Variants in PARVA observed in about 807,000 individuals in gnomAD.
The protein encoded by PARVA is alpha-parvin.
Under a neutral mutation model 52.6 loss-of-function variants are expected in PARVA, and 25 were observed. The observed-to-expected ratio is 0.48, with a 90% CI of 0.35 to 0.66. The LOEUF (loss-of-function observed/expected upper bound fraction) is 0.66. Ranked by LOEUF, PARVA falls within the 30% of genes least tolerant of loss-of-function variation. The probability of loss-of-function intolerance (pLI) is 0.01; values close to 1 mark genes in which losing one functional copy is unlikely to be tolerated. For synonymous variants in PARVA, 185 were observed against 179.1 expected, an observed-to-expected ratio of 1.03 and a Z score of -0.26; for missense variants, 373 against 450.9, an observed-to-expected ratio of 0.83 and a Z score of 1.56.
chr11:12,499,766 CTGTG>C (rs982053302), intron 5 of PARVA, among the ~76,000 whole-genome samples: 2 of 151,828 alleles, frequency 1.3e-5, no homozygotes, highest in African/African-American at 2.4e-5. Flanking sequence ...TCTTCAAGTT[CTGTG>C]TGTGTCTGTA....
At chr11:12,511,593 CGCA>C in intron 8 of PARVA, 60 bp downstream of exon 8, 1 of 1,564,966 alleles carries the variant, frequency 6.4e-7, no homozygotes, top group Non-Finnish European at 8.8e-7. Context: ...TAGTTAATTC[CGCA>C]GCAGCTGGGA....
intron 1 of PARVA, among the ~76,000 whole-genome samples, chr11:12,430,392 G>A (rs1480264804): frequency 6.6e-6 from 1 of 152,176 alleles, no homozygotes; most frequent in Admixed American, 6.5e-5. Context: ...TTTGAGAGCT[G>A]GTAGGAGCCA....
rs1269344932 is a variant in PARVA, at chr11:12,414,791, T to A, written c.136+37008T>A. ...TTAGATTCTTACAGCGTTAGTTGCG[T>A]GGAGCCATCTGCAGGGCTAGGCCAG... is the stretch of plus-strand genomic sequence containing the variant. On this transcript the variant is annotated intron_variant, in intron 1 of 12. Coordinates refer to ENST00000334956, the MANE Select transcript of PARVA (RefSeq NM_018222.5). Among the ~76,000 whole-genome samples the A allele has an allele frequency of 2.6e-5, 4 of 152,350 alleles. No individual in the cohort carries two copies. The East Asian group carries it at 5.8e-4, about 22-fold the overall frequency.
chr11:12,483,444 A>G (rs977331619), intron 4 of PARVA, among the ~76,000 whole-genome samples: 3 of 152,230 alleles, frequency 2.0e-5, no homozygotes, highest in African/African-American at 7.2e-5. Flanking sequence ...ACCAGGGCTC[A>G]TAGCTGGGCC....
At chr11:12,459,804 A>C (rs868992) in intron 1 of PARVA, among the ~76,000 whole-genome samples, 1 of 152,252 alleles carries the variant, frequency 6.6e-6, no homozygotes, top group Non-Finnish European at 1.5e-5. Flanking sequence ...AACAGAGTTT[A>C]AGCAGTAGGA....
intron 7 of PARVA, 72 bp from the exon 8 acceptor site, chr11:12,511,442 C>T (rs867331962): frequency 2.0e-6 from 3 of 1,524,778 alleles, no homozygotes; most frequent in Admixed American, 3.6e-5. Context: ...GATGGAGTGT[C>T]CTTTCAGAGG....
intron 1 of PARVA, among the ~76,000 whole-genome samples, chr11:12,426,604 A>C (rs1299613352): frequency 2.0e-5 from 3 of 152,282 alleles, no homozygotes; most frequent in Middle Eastern, 3.4e-3. Context: ...ATGTGCTTTT[A>C]ATTATGGGAT....
At chr11:12,442,518 T>C (rs770384805) in intron 1 of PARVA, among the ~76,000 whole-genome samples, 1 of 152,096 alleles carries the variant, frequency 6.6e-6, no homozygotes, top group Non-Finnish European at 1.5e-5. Flanking sequence ...GCTGTGACAC[T>C]AGGAGCTTGA....
chr11:12,401,763 A>G (rs1056950661), intron 1 of PARVA, among the ~76,000 whole-genome samples: 1 of 152,236 alleles, frequency 6.6e-6, no homozygotes, highest in African/African-American at 2.4e-5. Context: ...GCATGAAAAA[A>G]TGTTTTTAAA....
At chr11:12,410,329 C>T (rs1056373463) in intron 1 of PARVA, among the ~76,000 whole-genome samples, 2 of 152,232 alleles carry the variant, frequency 1.3e-5, no homozygotes, top group Non-Finnish European at 1.5e-5. Context: ...CTGCCTACCC[C>T]AGGCCACAGG....
At position 12,530,551 on chromosome 11, in the gene PARVA, C is replaced by T. The variant is rs934478898; in HGVS notation, c.*2626C>T. ...GTATCTAGTGGAAAACCTAAGCCTC[C>T]CTCTCTCCTCCGGCACCCATTACCT... On this transcript the variant is annotated 3_prime_UTR_variant, in exon 13 of 13. Transcript: ENST00000334956. The T allele has an allele frequency of 3.9e-5, 6 of 152,054 alleles. No individual in the cohort carries two copies. Among genetic ancestry groups the T allele is most frequent in the African/African-American group, 1.4e-4 (6 of 41,404 alleles). The allele number at this position is 152,054 out of a possible 1,614,324, so 9.4% of individuals were successfully genotyped here. A position where few individuals can be genotyped will look rare whatever the true frequency, so the allele number is the denominator to read the frequency against.
intron 4 of PARVA, among the ~76,000 whole-genome samples, chr11:12,481,546 A>G (rs1468932288): frequency 2.0e-5 from 3 of 151,806 alleles, no homozygotes; most frequent in Non-Finnish European, 4.4e-5. Context: ...GCCCTGATTT[A>G]TTTTATTAGA....
chr11:12,377,731 C>T lies in PARVA; in HGVS notation c.84C>T (p.Ser28=). 1 of 1,562,214 alleles carries T rather than the reference C, an allele frequency of 6.4e-7. No homozygotes were observed. Among genetic ancestry groups the T allele is most frequent in the East Asian group, 2.6e-5 (1 of 38,168 alleles). Residue 28 remains serine, a synonymous_variant, in exon 1 of 13, where the codon TCC becomes TCT. Coordinates refer to ENST00000334956, the MANE Select transcript of PARVA (RefSeq NM_018222.5). ...CCCCGTCCCGCAAGAAAGATGATTC[C>T]TTCTTGGGGAAACTCGGAGGGACCC... ...KSPPSRKKDD[S]FLGKLGGTLA... is the part of the protein sequence containing the mutation.
At chr11:12,495,002 ACAT>A (rs1473086251) in intron 4 of PARVA, among the ~76,000 whole-genome samples, 1 of 152,232 alleles carries the variant, frequency 6.6e-6, no homozygotes, top group East Asian at 1.9e-4. Context: ...AGAGACAATT[ACAT>A]CATCTGAAAA....
intron 1 of PARVA, among the ~76,000 whole-genome samples, chr11:12,394,641 G>A (rs1489793941): frequency 1.3e-5 from 2 of 152,164 alleles, no homozygotes; most frequent in Non-Finnish European, 1.5e-5. Flanking sequence ...GAGAGTTGCT[G>A]TAGTATTCTG....
intron 1 of PARVA, among the ~76,000 whole-genome samples, chr11:12,399,506 A>G (rs1939795657): frequency 6.6e-6 from 1 of 152,226 alleles, no homozygotes; most frequent in African/African-American, 2.4e-5. Context: ...GCAATATCAA[A>G]TTGCTAAATA....
intron 1 of PARVA, among the ~76,000 whole-genome samples, chr11:12,409,188 A>G (rs1939957278): frequency 6.6e-6 from 1 of 152,180 alleles, no homozygotes; most frequent in African/African-American, 2.4e-5. Context: ...ATTAAACATC[A>G]AATACAATTA....
intron 5 of PARVA, among the ~76,000 whole-genome samples, chr11:12,498,570 AC>A (rs1331806311): frequency 1.8e-5 from 2 of 109,108 alleles, no homozygotes; most frequent in Non-Finnish European, 3.6e-5. Context: ...GGTCATATAC[AC>A]TTTTTTTTTT....
At position 12,533,872 on chromosome 11, in the gene PARVA, G is replaced by GA. The variant is rs959162345; in HGVS notation, c.*5955dup. 1.1e-4 allele frequency among the ~76,000 whole-genome samples: 17 copies of GA among 151,786 alleles called. No individual in the cohort carries two copies. Among genetic ancestry groups the GA allele is most frequent in the South Asian group, 4.2e-4 (2 of 4,780 alleles). ...TGCTGTCTGAGGGGTGGCAGAGGCA[G>GA]AAAAAAAATCCATGGGCCGAGCACG... On this transcript the variant is annotated 3_prime_UTR_variant, in exon 13 of 13. Coordinates refer to ENST00000334956, the MANE Select transcript of PARVA (RefSeq NM_018222.5).
Sources: gnomAD v4.1 joint callset for allele counts (sites outside exome capture counted in the v4.1 genomes callset) on GRCh38, gnomAD v4.1.1 for gene constraint, MANE v1.5 for transcripts, NCBI Gene and HGNC (gene_info 2026-07-23, HGNC 2026-07-21) for gene names.